TAF2: variants seen among roughly 807,000 people sequenced by gnomAD.
TAF2 encodes TATA-box binding protein associated factor 2.
Under a neutral mutation model 138.5 loss-of-function variants are expected in TAF2, and 61 were observed. The observed-to-expected ratio is 0.44, with a 90% CI of 0.36 to 0.54. The LOEUF is 0.54. Among genes scored for constraint, TAF2 ranks in the 20% least tolerant of loss-of-function variants. TAF2 has a pLI of 0.00. For synonymous variants in TAF2, 475 were observed against 469.9 expected (o/e 1.01, Z -0.14); for missense variants, 1,090 against 1,427.9 (o/e 0.76, Z 3.81).
intron 3 of TAF2, among the ~76,000 whole-genome samples, chr8:119,817,236 A>G (rs897713020): frequency 6.6e-6 from 1 of 152,186 alleles, no homozygotes; most frequent in Non-Finnish European, 1.5e-5. Context: ...TAATATATAT[A>G]CAGGTCTGTG....
At chr8:119,751,363 A>G (rs1368754079) in intron 22 of TAF2, among the ~76,000 whole-genome samples, 1 of 152,216 alleles carries the variant, frequency 6.6e-6, no homozygotes, top group African/African-American at 2.4e-5. Flanking sequence ...ATCCTAATCT[A>G]TCTTTCCAGA....
chr8:119,736,542 T>C (rs924868307), intron 25 of TAF2, among the ~76,000 whole-genome samples: 4 of 152,228 alleles, frequency 2.6e-5, no homozygotes, highest in Admixed American at 2.6e-4. Context: ...CAACAACTCA[T>C]TACTTTGAAA....
intron 18 of TAF2, among the ~76,000 whole-genome samples, chr8:119,766,099 T>C (rs1212332473): frequency 2.6e-5 from 4 of 152,192 alleles, no homozygotes; most frequent in Non-Finnish European, 5.9e-5. Context: ...ACATTCAATT[T>C]AACTTCACAA....
intron 25 of TAF2, among the ~76,000 whole-genome samples, chr8:119,742,047 A>G (rs1327804097): frequency 6.6e-6 from 1 of 152,250 alleles, no homozygotes; most frequent in Non-Finnish European, 1.5e-5. Flanking sequence ...ATAAGAGAAT[A>G]TAGCATCAAG....
chr8:119,732,237 CAG>C (rs1818925582), intron 25 of TAF2, 51 bp from the exon 26 acceptor site: 1 of 1,566,746 alleles, frequency 6.4e-7, no homozygotes, highest in Admixed American at 1.7e-5. Flanking sequence ...TACGGAAAGC[CAG>C]ACTAAAGAAA....
intron 6 of TAF2, among the ~76,000 whole-genome samples, chr8:119,798,382 T>TG (rs1823983437): frequency 6.6e-6 from 1 of 152,306 alleles, no homozygotes; most frequent in Admixed American, 6.5e-5. Flanking sequence ...ATAGTAACTC[T>TG]GTTTTTTTTC....
In TAF2 at chr8:119,793,460, T is replaced by C. The variant is rs762534661; in HGVS notation, c.1192-9A>G. 1.2e-6 allele frequency: 2 copies of C among 1,604,004 alleles called. No homozygotes were observed. Among genetic ancestry groups the C allele is most frequent in the Middle Eastern group, 1.7e-4 (1 of 6,022 alleles). ...ACTATTTTGTCTAGCTCCTAAAAAA[T>C]ATATAAAAATAGGAGTCAGTAAAAT... On this transcript the variant is annotated splice_polypyrimidine_tract_variant and intron_variant, in intron 9 of 25. Coordinates refer to ENST00000378164, the MANE Select transcript of TAF2 (RefSeq NM_003184.4).
At chr8:119,818,039 C>G (rs918921664) in intron 3 of TAF2, among the ~76,000 whole-genome samples, 11 of 152,210 alleles carry the variant, frequency 7.2e-5, no homozygotes, top group Admixed American at 2.0e-4. Flanking sequence ...TTTTTCCAAT[C>G]CCATTTGTGT....
chr8:119,768,505 C>A (rs182962594), intron 18 of TAF2, among the ~76,000 whole-genome samples: 1 of 152,126 alleles, frequency 6.6e-6, no homozygotes, highest in Admixed American at 6.5e-5. Context: ...TAATTTTATT[C>A]CACTGTGGTC....
At chr8:119,772,436 T>C (rs932746042) in intron 18 of TAF2, among the ~76,000 whole-genome samples, 4 of 151,934 alleles carry the variant, frequency 2.6e-5, no homozygotes, top group African/African-American at 9.7e-5. Flanking sequence ...TAATAGAAAC[T>C]GGGAATTCCA....
At chr8:119,777,670 T>C (rs180800172) in intron 18 of TAF2, among the ~76,000 whole-genome samples, 175 of 152,308 alleles carry the variant, frequency 1.1e-3, no homozygotes, top group Non-Finnish European at 2.1e-3. Context: ...CTAGGTATCA[T>C]TAGGTGAACA....
intron 3 of TAF2, among the ~76,000 whole-genome samples, chr8:119,809,127 T>C (rs930808820): frequency 6.6e-6 from 1 of 152,252 alleles, no homozygotes; most frequent in Admixed American, 6.5e-5. Flanking sequence ...ATCTGTTGCT[T>C]AGTGTAGCAA....
chr8:119,775,141 T>TA, intron 18 of TAF2, among the ~76,000 whole-genome samples: 1 of 151,498 alleles, frequency 6.6e-6, no homozygotes, highest in South Asian at 2.1e-4. Flanking sequence ...ATTAGCCAGG[T>TA]GTGGCAGCTC....
At chr8:119,745,040 C>T (rs181598919) in intron 23 of TAF2, 75 of 455,910 alleles carry the variant, frequency 1.6e-4, no homozygotes, top group Non-Finnish European at 1.6e-4. Context: ...CATCTTCCTG[C>T]GGCAATATTC....
chr8:119,785,864 TTC>T (rs375890593), intron 14 of TAF2, among the ~76,000 whole-genome samples: 133 of 152,258 alleles, frequency 8.7e-4, no homozygotes, highest in African/African-American at 3.2e-3. Flanking sequence ...CCAAATGACA[TTC>T]TGTTATTACA....
At chr8:119,773,153 A>T (rs1173050818) in intron 18 of TAF2, among the ~76,000 whole-genome samples, 1 of 150,580 alleles carries the variant, frequency 6.6e-6, no homozygotes, top group Non-Finnish European at 1.5e-5. Context: ...AAAAGATAGG[A>T]GAAGAAATAA....
At chr8:119,775,531 C>T (rs970214497) in intron 18 of TAF2, among the ~76,000 whole-genome samples, 53 of 151,410 alleles carry the variant, frequency 3.5e-4, no homozygotes, top group Admixed American at 1.7e-3. Context: ...GGTGAAACCT[C>T]GTCTCTACTA....
At chr8:119,746,959 G>T in intron 22 of TAF2, 25 bp from the exon 23 acceptor site, 1 of 1,604,512 alleles carries the variant, frequency 6.2e-7, no homozygotes. Context: ...ATAAAGAAAT[G>T]AGTCAATATG....
At chr8:119,744,143 G>C in intron 24 of TAF2, 145 bp downstream of exon 24, 1 of 825,948 alleles carries the variant, frequency 1.2e-6, no homozygotes, top group Non-Finnish European at 2.0e-6. Context: ...GCCAATTTAT[G>C]TTATAATCTG....
Sources: allele counts gnomAD v4.1 joint callset (sites outside exome capture counted in the v4.1 genomes callset), GRCh38; gene constraint gnomAD v4.1.1; transcripts MANE v1.5; gene names NCBI Gene and HGNC (gene_info 2026-07-23, HGNC 2026-07-21).